The following MED12L variants were observed in gnomAD, a reference collection of about 807,000 sequenced individuals.
MED12L encodes mediator of RNA polymerase II transcription subunit 12-like protein.
Under a neutral mutation model 281.3 loss-of-function variants are expected in MED12L, and 60 were observed. The observed-to-expected ratio is 0.21, with a 90% CI of 0.17 to 0.26. The LOEUF is 0.26. MED12L is among the 10% of genes least tolerant of loss of function. The pLI is 1.00. For synonymous variants in MED12L, 974 were observed against 987.2 expected (o/e 0.99, Z 0.25); for missense variants, 2,146 against 2,680.9 (o/e 0.80, Z 4.41).
At chr3:151,382,144 CT>C (rs1712477328) in intron 32 of MED12L, among the ~76,000 whole-genome samples, 1 of 152,102 alleles carries the variant, frequency 6.6e-6, no homozygotes, top group African/African-American at 2.4e-5. Context: ...AGCCACTTGG[CT>C]GATGTCTGCA....
intron 5 of MED12L, among the ~76,000 whole-genome samples, chr3:151,140,805 G>T (rs564305547): frequency 1.3e-5 from 2 of 151,852 alleles, no homozygotes; most frequent in Non-Finnish European, 2.9e-5. Context: ...TCAGCCTCCC[G>T]AGTAGCTGCG....
intron 16 of MED12L, chr3:151,337,893 G>A: frequency 1.2e-6 from 2 of 1,614,158 alleles, no homozygotes; most frequent in African/African-American, 1.3e-5. Flanking sequence ...AGATGTTGCA[G>A]AATTGGGGCA....
In MED12L at chr3:151,355,133, G is replaced by A. The variant is rs1393364363; in HGVS notation, c.2411G>A (p.Gly804Glu). 1 of 1,613,608 alleles carries A rather than the reference G, an allele frequency of 6.2e-7. No homozygotes were observed. The highest frequency in any genetic ancestry group is 1.1e-5 in the South Asian group (1 of 91,048). ...TATGTTTATGTAGTTGGGGACGAAG[G>A]ACAAAAAGCCAGGAAGAACAAACAG... ...STTETGVGDE[G>E]QKARKNKQET... The change falls in exon 18 of 45, where the codon GGA (glycine) becomes GAA (glutamate). Residue 804 changes from glycine to glutamate, a missense_variant. Physicochemically the swap from Gly to Glu is moderately conservative, Grantham distance 98. This residue lies in a region of MED12L where 404 missense variants were observed against 603.5 expected (regional missense o/e 0.67). Transcript: ENST00000687756.
At chr3:151,120,877 G>C (rs1411795905) in intron 3 of MED12L, among the ~76,000 whole-genome samples, 1 of 151,978 alleles carries the variant, frequency 6.6e-6, no homozygotes, top group African/African-American at 2.4e-5. Context: ...TGCTTTCTTG[G>C]GAATTTTGAC....
chr3:151,218,028 G>A (rs895851598), intron 16 of MED12L, among the ~76,000 whole-genome samples: 5 of 152,138 alleles, frequency 3.3e-5, no homozygotes, highest in African/African-American at 9.7e-5. Flanking sequence ...TTTGGACCTC[G>A]TGATATCTAC....
intron 16 of MED12L, among the ~76,000 whole-genome samples, chr3:151,335,735 A>G (rs1248127166): frequency 6.6e-6 from 1 of 152,212 alleles, no homozygotes; most frequent in Non-Finnish European, 1.5e-5. Flanking sequence ...ACTGTTTTGA[A>G]TGGGTTTAGT....
rs544448136 is a variant in MED12L at position 151,192,922 on chromosome 3, C to T, written c.2073+268C>T. ...TGAGCTCATCATCATCTCATTAATG[C>T]GTGAATGTAGCTTCACGATGACAGT... On this transcript the variant is annotated intron_variant, in intron 15 of 44. Coordinates refer to ENST00000687756, the MANE Select transcript of MED12L (RefSeq NM_001393769.1). Among the ~76,000 whole-genome samples the T allele has an allele frequency of 5.3e-5, 8 of 152,236 alleles. No individual in the cohort carries two copies. The East Asian group carries it at 7.7e-4, about 15-fold the overall frequency.
At chr3:151,329,455 T>G in intron 16 of MED12L, 2 of 1,468,136 alleles carry the variant, frequency 1.4e-6, no homozygotes, top group Non-Finnish European at 1.9e-6. Context: ...GCAAGCACAC[T>G]CATAATAACA....
intron 25 of MED12L, among the ~76,000 whole-genome samples, chr3:151,368,595 ATTT>A (rs1392019802): frequency 3.9e-5 from 2 of 51,390 alleles, no homozygotes; most frequent in African/African-American, 1.1e-4. Flanking sequence ...GATTTATTTT[ATTT>A]TATTTTATTT....
rs888682210 is a variant in MED12L at position 151,163,837 on chromosome 3, A to C, written c.1108-56A>C. The C allele has an allele frequency of 3.9e-5, 60 of 1,554,616 alleles. No individual in the cohort carries two copies. In the East Asian group the frequency reaches 1.3e-3, roughly 34 times the overall value. Reference sequence around the variant, plus strand: ...AGGGTGTCGTTTTTACTGTTTAGCTATTGTTATGCTTTTCTCCTTCCTCTG... The same window carrying C: ...AGGGTGTCGTTTTTACTGTTTAGCTCTTGTTATGCTTTTCTCCTTCCTCTG... On this transcript the variant is annotated intron_variant, in intron 8 of 44. Coordinates refer to ENST00000687756, the MANE Select transcript of MED12L (RefSeq NM_001393769.1).
chr3:151,095,658 C>G (rs1390292663), intron 2 of MED12L, among the ~76,000 whole-genome samples: 3 of 152,214 alleles, frequency 2.0e-5, no homozygotes, highest in African/African-American at 7.2e-5. Context: ...TTATAGATGG[C>G]AGACACTTTG....
chr3:151,264,607 T>C (rs572721478), intron 16 of MED12L, among the ~76,000 whole-genome samples: 3 of 152,352 alleles, frequency 2.0e-5, no homozygotes, highest in Non-Finnish European at 4.4e-5. Context: ...AAATTGCAGT[T>C]TAATTTGTGT....
chr3:151,214,410 G>T, intron 16 of MED12L: 1 of 1,058,224 alleles, frequency 9.4e-7, no homozygotes, highest in Non-Finnish European at 1.4e-6. Context: ...GAGTAATAAG[G>T]CAAAGGGCAA....
intron 11 of MED12L, among the ~76,000 whole-genome samples, chr3:151,178,514 G>A (rs971265402): frequency 6.6e-5 from 10 of 152,194 alleles, no homozygotes; most frequent in Admixed American, 5.9e-4. Context: ...TGTGTATTGT[G>A]TACGCTGGAG....
chr3:151,153,572 T>TC (rs1404284812), intron 5 of MED12L, among the ~76,000 whole-genome samples: 5 of 141,334 alleles, frequency 3.5e-5, no homozygotes, highest in African/African-American at 5.4e-5. Flanking sequence ...TTCTTTTTTT[T>TC]TTTTTTTTTT....
chr3:151,277,796 T>C (rs1742139164), intron 16 of MED12L, among the ~76,000 whole-genome samples: 1 of 152,244 alleles, frequency 6.6e-6, no homozygotes, highest in Non-Finnish European at 1.5e-5. Flanking sequence ...GGTTAACTTA[T>C]CCTAATAATG....
Position 151,164,027 on chromosome 3 carries a change from G to A in MED12L, c.1242G>A (p.Thr414=), listed in dbSNP as rs748894271. 6.2e-6 allele frequency: 10 copies of A among 1,613,170 alleles called. No homozygotes were observed. In the African/African-American group the frequency reaches 6.7e-5, roughly 11 times the overall value. Residue 414 remains threonine, a synonymous_variant, in exon 9 of 45, where the codon ACG becomes ACA. Transcript: ENST00000687756. ...PSSLPMPGGN[T]AFNQQVRARI... ...GCCTCCCCATGCCGGGTGGGAACAC[G>A]GCTTTCAATCAGCAGGTAGACTTTA...
At chr3:151,118,090 CAA>C (rs778516389) in intron 3 of MED12L, among the ~76,000 whole-genome samples, 10 of 87,778 alleles carry the variant, frequency 1.1e-4, no homozygotes, top group Admixed American at 2.4e-4. Flanking sequence ...GACTCCATCT[CAA>C]AAAAAAAAAA....
At chr3:151,357,652 G>A (rs1754094221) in intron 20 of MED12L, among the ~76,000 whole-genome samples, 1 of 152,030 alleles carries the variant, frequency 6.6e-6, no homozygotes. Context: ...AGCACTCTAC[G>A]GTTAATGTTG....
Sources: gnomAD v4.1 joint callset for allele counts (sites outside exome capture counted in the v4.1 genomes callset) on GRCh38, gnomAD v4.1.1 for gene constraint, gnomAD v4.1.1 regional missense constraint, MANE v1.5 for transcripts, NCBI Gene and HGNC (gene_info 2026-07-23, HGNC 2026-07-21) for gene names.